CDK8: variants seen among roughly 807,000 people sequenced by gnomAD.
CDK8 encodes cyclin-dependent kinase 8.
A neutral mutation model predicts 71.5 loss-of-function variants in CDK8; 29 were observed. That is an observed-to-expected ratio of 0.41 (90% CI 0.30 to 0.55). The LOEUF (loss-of-function observed/expected upper bound fraction) is 0.55, where lower values mean the gene tolerates loss of function less well. Ranked by LOEUF, CDK8 falls within the 20% of genes least tolerant of loss-of-function variation. The pLI, the probability that CDK8 is intolerant of heterozygous loss-of-function variation, is 0.37. For synonymous variants in CDK8, 161 were observed against 192.1 expected, an observed-to-expected ratio of 0.84 and a Z score of 1.34; for missense variants, 288 against 572.6, an observed-to-expected ratio of 0.50 and a Z score of 5.07.
intron 4 of CDK8, among the ~76,000 whole-genome samples, chr13:26,369,055 TA>T (rs1726649776): frequency 6.6e-6 from 1 of 152,270 alleles, no homozygotes; most frequent in Non-Finnish European, 1.5e-5. Flanking sequence ...CCTGTTTTGT[TA>T]TCATGATTTT....
intron 4 of CDK8, among the ~76,000 whole-genome samples, chr13:26,355,569 G>A (rs566923625): frequency 8.5e-5 from 13 of 152,202 alleles, no homozygotes; most frequent in Admixed American, 6.5e-4. Context: ...AGCCAAGATC[G>A]CGCCACTTCA....
At chr13:26,294,125 T>C (rs1444553971) in intron 1 of CDK8, among the ~76,000 whole-genome samples, 1 of 93,840 alleles carries the variant, frequency 1.1e-5, no homozygotes, top group Non-Finnish European at 2.1e-5. Context: ...TAAATAATAT[T>C]CTGCACCTTT....
intron 1 of CDK8, among the ~76,000 whole-genome samples, chr13:26,334,132 G>A (rs1002515969): frequency 6.6e-6 from 1 of 151,984 alleles, no homozygotes; most frequent in African/African-American, 2.4e-5. Flanking sequence ...ATATTACTTG[G>A]AGTAGGGGAG....
chr13:26,272,327 A>AT (rs956599911), intron 1 of CDK8, among the ~76,000 whole-genome samples: 5 of 152,170 alleles, frequency 3.3e-5, no homozygotes, highest in Admixed American at 2.0e-4. Flanking sequence ...AAGAAAAAAA[A>AT]GTTTTTATTT....
intron 2 of CDK8, among the ~76,000 whole-genome samples, chr13:26,348,798 T>C (rs1025257117): frequency 6.6e-6 from 1 of 152,202 alleles, no homozygotes; most frequent in African/African-American, 2.4e-5. Flanking sequence ...GGTCTTTTTA[T>C]GTTAGATATA....
At chr13:26,396,220 C>A in intron 7 of CDK8, 65 bp from the exon 8 acceptor site, 4 of 673,646 alleles carry the variant, frequency 5.9e-6, no homozygotes, top group Non-Finnish European at 9.9e-6. Context: ...GTGGTAATAA[C>A]CTTTTTAAAA....
chr13:26,282,307 G>A (rs1872785039), intron 1 of CDK8, among the ~76,000 whole-genome samples: 1 of 152,106 alleles, frequency 6.6e-6, no homozygotes, highest in Non-Finnish European at 1.5e-5. Context: ...AATCTTAAGA[G>A]CTATCAGGCA....
intron 4 of CDK8, among the ~76,000 whole-genome samples, chr13:26,365,711 C>T (rs952534166): frequency 6.6e-6 from 1 of 152,000 alleles, no homozygotes; most frequent in African/African-American, 2.4e-5. Flanking sequence ...TTACATAACT[C>T]CTCCCATTTT....
chr13:26,348,826 A>G (rs1565981461), intron 2 of CDK8, among the ~76,000 whole-genome samples: 1 of 152,180 alleles, frequency 6.6e-6, no homozygotes, highest in East Asian at 1.9e-4. Flanking sequence ...ACAATCAAAA[A>G]ATTAAAATAA....
chr13:26,395,756 T>G (rs1051839736), intron 7 of CDK8, among the ~76,000 whole-genome samples: 17 of 152,262 alleles, frequency 1.1e-4, no homozygotes, highest in African/African-American at 4.1e-4. Flanking sequence ...CCTACCCTAT[T>G]GTGCAAATAG....
intron 1 of CDK8, among the ~76,000 whole-genome samples, chr13:26,263,733 C>G (rs576280247): frequency 6.6e-6 from 1 of 151,640 alleles, no homozygotes; most frequent in South Asian, 2.1e-4. Flanking sequence ...GCCACCGCGC[C>G]CGGCTAAAAG....
intron 1 of CDK8, among the ~76,000 whole-genome samples, chr13:26,271,843 AAGAG>A (rs1872339383): frequency 1.9e-5 from 1 of 53,314 alleles, no homozygotes; most frequent in Non-Finnish European, 3.8e-5. Context: ...TTTTTTTTTT[AAGAG>A]AGAGACATAA....
chr13:26,364,544 T>G (rs1316895496), intron 4 of CDK8, among the ~76,000 whole-genome samples: 2 of 152,138 alleles, frequency 1.3e-5, no homozygotes, highest in African/African-American at 4.8e-5. Context: ...CAGTAGAATT[T>G]AAGGAAAGTT....
chr13:26,309,641 C>T (rs1332295360), intron 1 of CDK8, among the ~76,000 whole-genome samples: 1 of 152,108 alleles, frequency 6.6e-6, no homozygotes, highest in African/African-American at 2.4e-5. Context: ...TCCCTACATT[C>T]TCTCCCTAGG....
chr13:26,257,233 A>G (rs1039006393), intron 1 of CDK8, among the ~76,000 whole-genome samples: 5 of 152,336 alleles, frequency 3.3e-5, no homozygotes, highest in African/African-American at 1.2e-4. Context: ...AGTAACGCAA[A>G]TAAGCTTGGT....
At chr13:26,294,804 C>T (rs1267723178) in intron 1 of CDK8, among the ~76,000 whole-genome samples, 1 of 152,050 alleles carries the variant, frequency 6.6e-6, no homozygotes, top group Non-Finnish European at 1.5e-5. Flanking sequence ...GGCTGGAGTG[C>T]TGTGGTATGA....
At chr13:26,293,006 A>C (rs559665) in intron 1 of CDK8, among the ~76,000 whole-genome samples, 14,946 of 152,226 alleles carry the variant, frequency 0.098, 849 homozygotes, top group South Asian at 0.15. Flanking sequence ...TCAGTTAGAA[A>C]GTATTTGTCC....
chr13:26,294,415 T>C (rs1231402491), intron 1 of CDK8, among the ~76,000 whole-genome samples: 1 of 152,220 alleles, frequency 6.6e-6, no homozygotes. Context: ...TTCAACATAC[T>C]GAATTCATAT....
rs747537511 is a variant in CDK8, at chr13:26,284,741, A to G, written c.128+29972A>G. Among the ~76,000 whole-genome samples the G allele has an allele frequency of 1.0e-3, 157 of 152,140 alleles. 6 individuals carry two copies. The highest frequency in any genetic ancestry group is 6.5e-4 in the Non-Finnish European group (44 of 68,028). ...CTAAAACTATTCCACAAGATAGAGA[A>G]GGAGGGTACCCTCCCCAAATAAGTC... On this transcript the variant is annotated intron_variant, in intron 1 of 12. Transcript: ENST00000381527.
Sources: allele counts gnomAD v4.1 joint callset (sites outside exome capture counted in the v4.1 genomes callset), GRCh38; gene constraint gnomAD v4.1.1; transcripts MANE v1.5; gene names NCBI Gene and HGNC (gene_info 2026-07-23, HGNC 2026-07-21).